Variants in TOGARAM1 observed in about 807,000 individuals in gnomAD.
The protein encoded by TOGARAM1 is TOG array regulator of axonemal microtubules protein 1.
A neutral mutation model predicts 166.6 loss-of-function variants in TOGARAM1; 100 were observed. The observed-to-expected ratio is 0.60, with a 90% CI of 0.51 to 0.71. The LOEUF is 0.71. Among genes scored for constraint, TOGARAM1 ranks in the 30% least tolerant of loss-of-function variants. The probability of loss-of-function intolerance (pLI) is 0.00; values close to 1 mark genes in which losing one functional copy is unlikely to be tolerated. For synonymous variants in TOGARAM1, 758 were observed against 763.8 expected, an observed-to-expected ratio of 0.99 and a Z score of 0.13; for missense variants, 2,029 against 2,102.7, an observed-to-expected ratio of 0.96 and a Z score of 0.69.
At chr14:45,027,252 C>T (rs774407048) in intron 8 of TOGARAM1, 47 bp from the exon 9 acceptor site, 30 of 1,592,114 alleles carry the variant, frequency 1.9e-5, no homozygotes. Context: ...GTCTAGAGTA[C>T]CATCACATAA....
intron 2 of TOGARAM1, among the ~76,000 whole-genome samples, chr14:44,999,027 G>A (rs916692899): frequency 4.6e-5 from 7 of 152,178 alleles, no homozygotes; most frequent in South Asian, 2.1e-4. Context: ...TGGGTAATGC[G>A]TATACTACAA....
chr14:44,962,634 C>A lies in TOGARAM1; in HGVS notation c.213C>A (p.Leu71=). ...CAACTTCGCCTCTGGCCTCGGCCCT[C>A]TTGATGCCCTCGGAGGCAGTCTCAA... ...PTTTSPLASA[L]LMPSEAVSSS... Residue 71 remains leucine, a synonymous_variant, in exon 1 of 20, where the codon CTC becomes CTA. Transcript: ENST00000361462. The A allele has an allele frequency of 1.2e-6, 2 of 1,614,010 alleles. No homozygotes were observed. Among genetic ancestry groups the A allele is most frequent in the Non-Finnish European group, 1.7e-6 (2 of 1,179,908 alleles).
intron 1 of TOGARAM1, among the ~76,000 whole-genome samples, chr14:44,986,650 G>A (rs1435288703): frequency 2.0e-5 from 3 of 151,472 alleles, no homozygotes; most frequent in African/African-American, 4.8e-5. Flanking sequence ...AAACTTTGAA[G>A]TTTATTAAGA....
At chr14:45,048,394 T>C (rs943447686) in intron 14 of TOGARAM1, among the ~76,000 whole-genome samples, 5 of 150,116 alleles carry the variant, frequency 3.3e-5, no homozygotes, top group East Asian at 2.0e-4. Context: ...GTATATAAAA[T>C]GTTTATTATT....
intron 1 of TOGARAM1, among the ~76,000 whole-genome samples, chr14:44,965,936 G>A (rs893866828): frequency 1.4e-5 from 2 of 145,778 alleles, no homozygotes; most frequent in Non-Finnish European, 3.0e-5. Context: ...GCGCAATGGC[G>A]CAATCTCAGC....
At chr14:44,977,374 A>G (rs1349615715) in intron 1 of TOGARAM1, among the ~76,000 whole-genome samples, 1 of 151,590 alleles carries the variant, frequency 6.6e-6, no homozygotes, top group Non-Finnish European at 1.5e-5. Flanking sequence ...ACCTGGGACT[A>G]CAGGCACCCG....
intron 6 of TOGARAM1, among the ~76,000 whole-genome samples, chr14:45,010,458 A>G (rs28682279): frequency 0.046 from 7,071 of 152,268 alleles, 533 homozygotes; most frequent in African/African-American, 0.16. Flanking sequence ...AAGTCCTTTT[A>G]TGATCTTCCA....
chr14:45,042,482 T>G (rs1030497640), intron 11 of TOGARAM1, among the ~76,000 whole-genome samples: 2 of 151,742 alleles, frequency 1.3e-5, no homozygotes, highest in African/African-American at 4.8e-5. Flanking sequence ...TAAATACATA[T>G]AGAGAGAGCA....
In TOGARAM1 at chr14:45,006,261, A is replaced by T. The variant is rs1349393780; in HGVS notation, c.2898A>T (p.Gln966His). ...ELNFKDKDLD[Q>H]EEMHSSLRSL... ...ATTTCAAGGATAAAGATTTGGATCA[A>T]GAAGAGGTTAGAACCAAATATTTTT... The change falls in exon 5 of 20, where the codon CAA becomes CAT. Residue 966 changes from glutamine (Q) to histidine (H), a missense_variant. Coordinates refer to ENST00000361462, the MANE Select transcript of TOGARAM1 (RefSeq NM_001308120.2). 6.2e-7 allele frequency: 1 copy of T among 1,606,760 alleles called. No homozygotes were observed. The highest frequency in any genetic ancestry group is 2.2e-5 in the East Asian group (1 of 44,834).
At chr14:44,976,932 C>T (rs1224959231) in intron 1 of TOGARAM1, among the ~76,000 whole-genome samples, 1 of 152,066 alleles carries the variant, frequency 6.6e-6, no homozygotes, top group Non-Finnish European at 1.5e-5. Flanking sequence ...TACTTCTAAA[C>T]CTAAAAATTA....
chr14:44,979,469 A>C lies in TOGARAM1; in HGVS notation c.2046+15002A>C, dbSNP rs145606315. The stretch of plus-strand genomic sequence containing the variant: ...CTTGAGGGTGGAGCCCTCATGACCT[A>C]ATCACCTCCCAAAGGCCCTACCTCT... On this transcript the variant is annotated intron_variant, in intron 1 of 19. Coordinates refer to ENST00000361462, the MANE Select transcript of TOGARAM1 (RefSeq NM_001308120.2). Among the ~76,000 whole-genome samples the C allele has an allele frequency of 5.3e-5, 8 of 152,220 alleles. No individual in the cohort carries two copies. The East Asian group carries it at 1.5e-3, about 29-fold the overall frequency.
intron 7 of TOGARAM1, among the ~76,000 whole-genome samples, chr14:45,021,725 A>T (rs190829007): frequency 2.0e-5 from 3 of 152,254 alleles, no homozygotes; most frequent in East Asian, 1.9e-4. Context: ...CCCAGGATGT[A>T]TCTAGGGATG....
intron 11 of TOGARAM1, among the ~76,000 whole-genome samples, chr14:45,035,468 AC>A (rs1881378636): frequency 1.3e-5 from 2 of 152,228 alleles, no homozygotes; most frequent in African/African-American, 4.8e-5. Context: ...AATTGGAGTT[AC>A]CAGACAGAGA....
Position 45,011,994 on chromosome 14 carries a change from T to G in TOGARAM1, c.3157T>G (p.Phe1053Val). 3 of 1,606,812 alleles carry G rather than the reference T, an allele frequency of 1.9e-6. No individual in the cohort carries two copies. The highest frequency in any genetic ancestry group is 2.5e-6 in the Non-Finnish European group (3 of 1,177,762). Residue 1053 changes from phenylalanine (F) to valine (V), a missense_variant, in exon 7 of 20, where the codon TTT (phenylalanine) becomes GTT (valine). This residue lies in a region of TOGARAM1 where 1,453 missense variants were observed against 1,432.2 expected (regional missense o/e 1.01). Coordinates refer to ENST00000361462, the MANE Select transcript of TOGARAM1 (RefSeq NM_001308120.2). ...TTGCAGGTCAGACATATTTCCAACA[T>G]TTGGGTCAAAACCTTGTCCAACAAG... Reference protein sequence around the residue: ...KRIMSDIFPTFGSKPCPTRLS... With the variant: ...KRIMSDIFPTVGSKPCPTRLS...
intron 2 of TOGARAM1, among the ~76,000 whole-genome samples, chr14:44,998,457 G>A (rs1594638083): frequency 6.6e-6 from 1 of 152,332 alleles, no homozygotes. Context: ...GCTCACGCCT[G>A]TAATCCCAGC....
intron 16 of TOGARAM1, among the ~76,000 whole-genome samples, chr14:45,065,510 C>T (rs1486620899): frequency 6.6e-6 from 1 of 152,206 alleles, no homozygotes; most frequent in East Asian, 1.9e-4. Context: ...TGCATGCGAC[C>T]TGCAGACCAT....
At chr14:44,986,163 T>C (rs1886783097) in intron 1 of TOGARAM1, among the ~76,000 whole-genome samples, 1 of 152,226 alleles carries the variant, frequency 6.6e-6, no homozygotes, top group Non-Finnish European at 1.5e-5. Flanking sequence ...GAAAAACCTA[T>C]GGTACAGCTT....
Position 44,962,407 on chromosome 14 carries a change from A to G in TOGARAM1, c.-15A>G, listed in dbSNP as rs1408974450. On this transcript the variant is annotated 5_prime_UTR_variant, in exon 1 of 20. Coordinates refer to ENST00000361462, the MANE Select transcript of TOGARAM1 (RefSeq NM_001308120.2). ...GCAATGGTTTCTTCCAACCACCACC[A>G]CCTGACAACCCTGCATGGCGGCTGC... is the stretch of plus-strand genomic sequence containing the variant. The G allele has an allele frequency of 1.7e-5, 26 of 1,527,676 alleles. No homozygotes were observed. The highest frequency in any genetic ancestry group is 2.3e-5 in the Non-Finnish European group (26 of 1,142,312). 94.6% of individuals were successfully genotyped at this position (1,527,676 alleles called of 1,614,324 possible).
At chr14:45,030,628 AT>A (rs1436389985) in intron 10 of TOGARAM1, among the ~76,000 whole-genome samples, 11 of 152,208 alleles carry the variant, frequency 7.2e-5, no homozygotes, top group African/African-American at 2.7e-4. Flanking sequence ...AAAGGGGTCT[AT>A]TATATTCTTT....
Sources: allele counts gnomAD v4.1 joint callset (sites outside exome capture counted in the v4.1 genomes callset), GRCh38; gene constraint gnomAD v4.1.1; regional missense constraint gnomAD v4.1.1; transcripts MANE v1.5; gene names NCBI Gene and HGNC (gene_info 2026-07-23, HGNC 2026-07-21).